LMBR1: variants seen among roughly 807,000 people sequenced by gnomAD.
The protein encoded by LMBR1 is limb region 1 protein homolog.
In LMBR1, 52 loss-of-function variants were observed where a neutral mutation model predicts 73.9. The observed-to-expected ratio is 0.70, with a 90% CI of 0.56 to 0.89. The LOEUF (loss-of-function observed/expected upper bound fraction) is 0.89, where lower values mean the gene tolerates loss of function less well. LMBR1 is among the 40% of genes least tolerant of loss of function. The pLI, the probability that LMBR1 is intolerant of heterozygous loss-of-function variation, is 0.00. For missense variants in LMBR1, 539 were observed against 579.8 expected (o/e 0.93, Z 0.72); for synonymous variants, 215 against 209.4 (o/e 1.03, Z -0.23).
intron 5 of LMBR1, among the ~76,000 whole-genome samples, chr7:156,789,133 C>T (rs1262992959): frequency 6.6e-6 from 1 of 152,258 alleles, no homozygotes; most frequent in East Asian, 1.9e-4. Context: ...TAAATGTTTT[C>T]CATAAAACTG....
At chr7:156,742,501 G>T (rs1819075587) in intron 9 of LMBR1, among the ~76,000 whole-genome samples, 5 of 151,934 alleles carry the variant, frequency 3.3e-5, no homozygotes, top group Admixed American at 3.3e-4. Context: ...CAATACACTG[G>T]AAAATCTAGA....
intron 4 of LMBR1, among the ~76,000 whole-genome samples, chr7:156,801,816 G>C (rs774815537): frequency 1.3e-5 from 2 of 152,148 alleles, no homozygotes; most frequent in African/African-American, 4.8e-5. Flanking sequence ...ACAGATGTGA[G>C]CCACTGCACT....
At chr7:156,840,834 G>A (rs1016602574) in intron 1 of LMBR1, among the ~76,000 whole-genome samples, 23 of 151,080 alleles carry the variant, frequency 1.5e-4, no homozygotes, top group African/African-American at 5.1e-4. Flanking sequence ...GCGTCGTGGC[G>A]GGCGTCTGTA....
intron 1 of LMBR1, 69 bp downstream of exon 1, chr7:156,892,859 C>T: frequency 8.0e-7 from 1 of 1,242,708 alleles, no homozygotes; most frequent in East Asian, 3.2e-5. Context: ...GGACCGGGGG[C>T]CCGGGGGCGG....
At chr7:156,816,183 A>G (rs764037665) in intron 4 of LMBR1, among the ~76,000 whole-genome samples, 1 of 152,096 alleles carries the variant, frequency 6.6e-6, no homozygotes, top group Non-Finnish European at 1.5e-5. Flanking sequence ...AATGAAAAAA[A>G]TATTTTTTTT....
chr7:156,870,311 G>A (rs1799081978), intron 1 of LMBR1, among the ~76,000 whole-genome samples: 1 of 152,084 alleles, frequency 6.6e-6, no homozygotes, highest in Non-Finnish European at 1.5e-5. Flanking sequence ...CACAAGATAG[G>A]TAACAAAACA....
intron 15 of LMBR1, among the ~76,000 whole-genome samples, chr7:156,711,921 C>T (rs111864041): frequency 0.013 from 1,949 of 152,264 alleles, 23 homozygotes; most frequent in Non-Finnish European, 0.022. Flanking sequence ...TAGGAAAACT[C>T]TTCTGGACAT....
intron 5 of LMBR1, among the ~76,000 whole-genome samples, chr7:156,776,083 T>A (rs1826083304): frequency 1.3e-5 from 2 of 148,492 alleles, no homozygotes; most frequent in African/African-American, 4.9e-5. Flanking sequence ...AAATTATACA[T>A]ATTTTATACA....
chr7:156,791,581 A>T (rs606231152), intron 5 of LMBR1, among the ~76,000 whole-genome samples: 1 of 152,208 alleles, frequency 6.6e-6, no homozygotes, highest in Non-Finnish European at 1.5e-5. Context: ...TTCCTCCTCT[A>T]TTGTGCTGTC....
At chr7:156,883,601 TAAAAC>T (rs1041275073) in intron 1 of LMBR1, among the ~76,000 whole-genome samples, 1 of 152,184 alleles carries the variant, frequency 6.6e-6, no homozygotes, top group African/African-American at 2.4e-5. Context: ...CTTTGTGACT[TAAAAC>T]AACACAAATT....
At position 156,792,308 on chromosome 7, in the gene LMBR1, AT is replaced by A. The variant is rs545351289; in HGVS notation, c.423+4080del. 1.0e-3 allele frequency among the ~76,000 whole-genome samples: 153 copies of A among 152,314 alleles called. 1 individual carries two copies. The highest frequency in any genetic ancestry group is 3.4e-3 in the African/African-American group (143 of 41,566). On this transcript the variant is annotated intron_variant, in intron 5 of 16. Coordinates refer to ENST00000353442, the MANE Select transcript of LMBR1 (RefSeq NM_022458.4). Reference sequence around the variant, plus strand: ...TGCAAAACAAAACAAAAATCACCAAATGGAACCTTTTTATCAGTTGAAAAAT... The same window carrying A: ...TGCAAAACAAAACAAAAATCACCAAAGGAACCTTTTTATCAGTTGAAAAAT...
chr7:156,816,066 A>C (rs937314202), intron 4 of LMBR1, among the ~76,000 whole-genome samples: 3 of 152,146 alleles, frequency 2.0e-5, no homozygotes, highest in African/African-American at 7.2e-5. Flanking sequence ...AAAGTTAAAA[A>C]AATAAAACTT....
chr7:156,687,974 A>C, intron 16 of LMBR1, 56 bp downstream of exon 16: 1 of 1,430,980 alleles, frequency 7.0e-7, no homozygotes, highest in Non-Finnish European at 9.4e-7. Flanking sequence ...TATTAACTCA[A>C]ATGTCAAAAT....
In LMBR1 at chr7:156,854,062, A is replaced by G. The variant is rs532241342; in HGVS notation, c.67-17177T>C. The stretch of plus-strand genomic sequence containing the variant: ...CAGACATAAAGGTAAAAGATAACAT[A>G]GTGGCTTCTGGCTTCCAGTCCAACA... On this transcript the variant is annotated intron_variant, in intron 1 of 16. Transcript: ENST00000353442. Among the ~76,000 whole-genome samples, 3 of 152,308 alleles carry G rather than the reference A, an allele frequency of 2.0e-5. No homozygotes were observed. The South Asian group carries it at 6.2e-4, about 32-fold the overall frequency.
chr7:156,800,198 A>G (rs1585871806), intron 4 of LMBR1, among the ~76,000 whole-genome samples: 1 of 152,360 alleles, frequency 6.6e-6, no homozygotes, highest in Non-Finnish European at 1.5e-5. Context: ...CACTGGAAGA[A>G]GACGCCATCT....
intron 5 of LMBR1, among the ~76,000 whole-genome samples, chr7:156,778,300 C>T (rs1826515397): frequency 6.6e-6 from 1 of 152,106 alleles, no homozygotes; most frequent in African/African-American, 2.4e-5. Flanking sequence ...TGCCACGGTA[C>T]AAGCCATCAA....
At chr7:156,694,619 G>A (rs1279668046) in intron 15 of LMBR1, among the ~76,000 whole-genome samples, 1 of 152,160 alleles carries the variant, frequency 6.6e-6, no homozygotes, top group Non-Finnish European at 1.5e-5. Flanking sequence ...AATAGGCAGA[G>A]AAAAAGTAAA....
In LMBR1 at chr7:156,797,249, A is replaced by G. The variant is rs891786247; in HGVS notation, c.320-757T>C. Among the ~76,000 whole-genome samples the G allele has an allele frequency of 1.1e-3, 171 of 152,226 alleles. 10 individuals carry two copies. Among genetic ancestry groups the G allele is most frequent in the Non-Finnish European group, 2.2e-4 (15 of 68,044 alleles). ...CAAGTAAAATAAGAACAGATTTAGC[A>G]AAAGACAGAGCCCTGTTAGGTATGT... is the stretch of plus-strand genomic sequence containing the variant. On this transcript the variant is annotated intron_variant, in intron 4 of 16. Coordinates refer to ENST00000353442, the MANE Select transcript of LMBR1 (RefSeq NM_022458.4).
At chr7:156,809,710 T>C (rs922371442) in intron 4 of LMBR1, among the ~76,000 whole-genome samples, 6 of 152,194 alleles carry the variant, frequency 3.9e-5, no homozygotes, top group Admixed American at 2.6e-4. Flanking sequence ...TGTCACAACG[T>C]CATCTGGCTT....
Sources: allele counts gnomAD v4.1 joint callset (sites outside exome capture counted in the v4.1 genomes callset), GRCh38; gene constraint gnomAD v4.1.1; transcripts MANE v1.5; gene names NCBI Gene and HGNC (gene_info 2026-07-23, HGNC 2026-07-21).